Variants in LRRC3B observed in about 807,000 individuals in gnomAD.
The protein encoded by LRRC3B is leucine-rich repeat-containing protein 3B.
Under a neutral mutation model 12.8 loss-of-function variants are expected in LRRC3B, and 2 were observed. The observed-to-expected ratio is 0.16, with a 90% confidence interval of 0.06 to 0.49. LRRC3B has a LOEUF of 0.49. Ranked by LOEUF, LRRC3B falls within the 20% of genes least tolerant of loss-of-function variation. The pLI is 0.96. For synonymous variants in LRRC3B, 132 were observed against 122.0 expected, an observed-to-expected ratio of 1.08 and a Z score of -0.54; for missense variants, 189 against 319.4, an observed-to-expected ratio of 0.59 and a Z score of 3.11.
chr3:26,684,839 C>T (rs1357596992), intron 1 of LRRC3B, among the ~76,000 whole-genome samples: 2 of 152,206 alleles, frequency 1.3e-5, no homozygotes, highest in African/African-American at 4.8e-5. Context: ...CAGAGTGGAA[C>T]TCATTATTCA....
At chr3:26,702,396 C>T (rs1193911841) in intron 1 of LRRC3B, among the ~76,000 whole-genome samples, 1 of 152,152 alleles carries the variant, frequency 6.6e-6, no homozygotes, top group Non-Finnish European at 1.5e-5. Context: ...TAATGAGCCA[C>T]CTAAATGGCT....
intron 1 of LRRC3B, among the ~76,000 whole-genome samples, chr3:26,672,913 A>G (rs1699780490): frequency 6.6e-6 from 1 of 152,244 alleles, no homozygotes; most frequent in African/African-American, 2.4e-5. Flanking sequence ...TCAGCTGTAC[A>G]GAATGACTTT....
intron 1 of LRRC3B, among the ~76,000 whole-genome samples, chr3:26,656,695 G>A (rs1027062543): frequency 1.3e-5 from 2 of 152,194 alleles, no homozygotes; most frequent in African/African-American, 2.4e-5. Context: ...TTTAAGACTA[G>A]AAATCCACAG....
chr3:26,688,138 T>A (rs984754708), intron 1 of LRRC3B, among the ~76,000 whole-genome samples: 1 of 152,188 alleles, frequency 6.6e-6, no homozygotes, highest in Non-Finnish European at 1.5e-5. Flanking sequence ...TATAAAGATA[T>A]ATCCAGATGT....
intron 1 of LRRC3B, among the ~76,000 whole-genome samples, chr3:26,656,733 G>T (rs965243487): frequency 1.3e-5 from 2 of 152,178 alleles, no homozygotes; most frequent in Non-Finnish European, 2.9e-5. Flanking sequence ...GACAACCATT[G>T]CTAGAGTCAC....
At chr3:26,668,107 T>G (rs1048644725) in intron 1 of LRRC3B, among the ~76,000 whole-genome samples, 4 of 152,234 alleles carry the variant, frequency 2.6e-5, no homozygotes, top group African/African-American at 7.2e-5. Context: ...AAAAAAAGTA[T>G]GAGTTTGCTC....
At chr3:26,674,306 A>G (rs1328404826) in intron 1 of LRRC3B, among the ~76,000 whole-genome samples, 1 of 152,194 alleles carries the variant, frequency 6.6e-6, no homozygotes, top group Non-Finnish European at 1.5e-5. Flanking sequence ...CTGTCATAGG[A>G]CAGAAGCAAA....
At chr3:26,626,445 A>G (rs1270044621) in intron 1 of LRRC3B, among the ~76,000 whole-genome samples, 1 of 152,146 alleles carries the variant, frequency 6.6e-6, no homozygotes, top group East Asian at 1.9e-4. Flanking sequence ...ATATTATCCC[A>G]CCCAATCCAG....
chr3:26,642,918 G>T (rs1699061434), intron 1 of LRRC3B, among the ~76,000 whole-genome samples: 2 of 151,736 alleles, frequency 1.3e-5, no homozygotes, highest in African/African-American at 4.9e-5. Flanking sequence ...TCGGGAGGCT[G>T]AGGCAGGAGA....
chr3:26,656,771 A>C (rs1384217434), intron 1 of LRRC3B, among the ~76,000 whole-genome samples: 1 of 152,218 alleles, frequency 6.6e-6, no homozygotes, highest in East Asian at 1.9e-4. Context: ...TGAAAATCAG[A>C]ATCAATGGCT....
chr3:26,693,018 A>T (rs1371979155), intron 1 of LRRC3B, among the ~76,000 whole-genome samples: 1 of 152,156 alleles, frequency 6.6e-6, no homozygotes, highest in Non-Finnish European at 1.5e-5. Context: ...TGTTCACATG[A>T]TGGCTGGGCA....
chr3:26,680,910 T>C (rs1363758298), intron 1 of LRRC3B, among the ~76,000 whole-genome samples: 1 of 152,212 alleles, frequency 6.6e-6, no homozygotes, highest in East Asian at 1.9e-4. Context: ...CCTATATCAT[T>C]ATTAATCATA....
chr3:26,636,648 C>A (rs1468496729), intron 1 of LRRC3B, among the ~76,000 whole-genome samples: 1 of 152,004 alleles, frequency 6.6e-6, no homozygotes, highest in Non-Finnish European at 1.5e-5. Context: ...CTAAAAGCTA[C>A]AGTGTTGTTT....
intron 1 of LRRC3B, among the ~76,000 whole-genome samples, chr3:26,636,348 C>G (rs749059215): frequency 6.6e-6 from 1 of 152,074 alleles, no homozygotes; most frequent in Non-Finnish European, 1.5e-5. Flanking sequence ...AAAATGGTGA[C>G]TTTAGGATGC....
At chr3:26,645,167 A>G (rs1372983584) in intron 1 of LRRC3B, among the ~76,000 whole-genome samples, 3 of 152,206 alleles carry the variant, frequency 2.0e-5, no homozygotes, top group African/African-American at 7.2e-5. Context: ...GTTGCAGGAA[A>G]AAATAGACTT....
chr3:26,659,067 A>C (rs577382610), intron 1 of LRRC3B, among the ~76,000 whole-genome samples: 2 of 152,328 alleles, frequency 1.3e-5, no homozygotes, highest in South Asian at 4.1e-4. Flanking sequence ...TTCTTATGTT[A>C]AAAATGGGAG....
At chr3:26,673,947 C>T (rs1699805358) in intron 1 of LRRC3B, among the ~76,000 whole-genome samples, 2 of 152,172 alleles carry the variant, frequency 1.3e-5, no homozygotes, top group African/African-American at 4.8e-5. Context: ...AATTTCATCT[C>T]CTGACCTAGT....
intron 1 of LRRC3B, among the ~76,000 whole-genome samples, chr3:26,706,113 C>G (rs1342494899): frequency 1.3e-5 from 2 of 152,140 alleles, no homozygotes; most frequent in African/African-American, 2.4e-5. Flanking sequence ...ATTGATGGCT[C>G]TCTTCTCTCT....
chr3:26,703,568 G>T lies in LRRC3B; in HGVS notation c.-160-5945G>T, dbSNP rs1309703251. Among the ~76,000 whole-genome samples the T allele has an allele frequency of 2.0e-5, 3 of 152,020 alleles. 1 individual carries two copies. The highest frequency in any genetic ancestry group is 7.2e-5 in the African/African-American group (3 of 41,392). On this transcript the variant is annotated intron_variant, in intron 1 of 1. Transcript: ENST00000396641. ...AAGGGCAGCCTACATGATTGGTTAG[G>T]GGTGTACATTTCGTGTTCTTTGGTT...
Sources: allele counts gnomAD v4.1 joint callset (sites outside exome capture counted in the v4.1 genomes callset), GRCh38; gene constraint gnomAD v4.1.1; transcripts MANE v1.5; gene names NCBI Gene and HGNC (gene_info 2026-07-23, HGNC 2026-07-21).